The following FSTL5 variants were observed in gnomAD, a reference collection of about 807,000 sequenced individuals.
FSTL5 encodes the protein follistatin like 5, also known as follistatin-related protein 5.
A neutral mutation model predicts 89.1 loss-of-function variants in FSTL5; 62 were observed. That is an observed-to-expected ratio of 0.70 (90% CI 0.57 to 0.86). The LOEUF (loss-of-function observed/expected upper bound fraction) is 0.86, where lower values mean the gene tolerates loss of function less well. FSTL5 is among the 40% of genes least tolerant of loss of function. The pLI, the probability that FSTL5 is intolerant of heterozygous loss-of-function variation, is 0.00. For missense variants in FSTL5, 1,057 were observed against 1,001.6 expected, an observed-to-expected ratio of 1.06 and a Z score of -0.75; for synonymous variants, 383 against 346.2, an observed-to-expected ratio of 1.11 and a Z score of -1.18.
At chr4:161,833,577 C>A (rs925547831) in intron 4 of FSTL5, among the ~76,000 whole-genome samples, 4 of 150,652 alleles carry the variant, frequency 2.7e-5, no homozygotes, top group Non-Finnish European at 4.4e-5. Flanking sequence ...GTATTGGGTG[C>A]ATATATATTT....
intron 6 of FSTL5, among the ~76,000 whole-genome samples, chr4:161,687,854 T>G (rs986700699): frequency 6.6e-6 from 1 of 152,182 alleles, no homozygotes; most frequent in Non-Finnish European, 1.5e-5. Context: ...AATGCAACAG[T>G]GCTGGAAGGT....
chr4:161,845,701 A>G (rs1731344687), intron 4 of FSTL5, among the ~76,000 whole-genome samples: 1 of 152,144 alleles, frequency 6.6e-6, no homozygotes, highest in African/African-American at 2.4e-5. Flanking sequence ...TAATTGCTTC[A>G]CAAATTTGTC....
At chr4:161,546,972 T>C (rs1732028674) in intron 8 of FSTL5, among the ~76,000 whole-genome samples, 1 of 151,996 alleles carries the variant, frequency 6.6e-6, no homozygotes, top group Non-Finnish European at 1.5e-5. Context: ...GGCAAAGTAA[T>C]GGTGCATAAT....
At chr4:161,800,410 A>C (rs773897959) in intron 4 of FSTL5, among the ~76,000 whole-genome samples, 1 of 151,696 alleles carries the variant, frequency 6.6e-6, no homozygotes, top group Non-Finnish European at 1.5e-5. Context: ...TGGCCTGGCC[A>C]ATTTTCACCT....
chr4:161,458,775 A>G (rs983145201), intron 14 of FSTL5, among the ~76,000 whole-genome samples: 6 of 152,210 alleles, frequency 3.9e-5, no homozygotes, highest in East Asian at 1.9e-4. Context: ...GGCAAAATCC[A>G]TAAGAATAAC....
At chr4:161,820,265 A>G (rs904573493) in intron 4 of FSTL5, among the ~76,000 whole-genome samples, 2 of 152,190 alleles carry the variant, frequency 1.3e-5, no homozygotes, top group East Asian at 3.9e-4. Flanking sequence ...TTCCACTTAT[A>G]TTCAAGTTAA....
intron 4 of FSTL5, among the ~76,000 whole-genome samples, chr4:161,834,419 C>G (rs1178943268): frequency 6.6e-6 from 1 of 152,126 alleles, no homozygotes; most frequent in Non-Finnish European, 1.5e-5. Context: ...TCTCACCACT[C>G]CTATTCAACA....
chr4:161,706,399 C>T (rs1461291142), intron 6 of FSTL5, among the ~76,000 whole-genome samples: 1 of 151,836 alleles, frequency 6.6e-6, no homozygotes, highest in Non-Finnish European at 1.5e-5. Context: ...AATTTATCCT[C>T]AATATTTTAA....
chr4:162,068,283 G>A lies in FSTL5; in HGVS notation c.127-34625C>T, dbSNP rs190186666. ...AAAAGAACAAAGCTGGGGACACTAT[G>A]GCACCTGACTCCAAACTATACTACA... On this transcript the variant is annotated intron_variant, in intron 2 of 15. Coordinates refer to ENST00000306100, the MANE Select transcript of FSTL5 (RefSeq NM_020116.5). Among the ~76,000 whole-genome samples, 15 of 152,050 alleles carry A rather than the reference G, an allele frequency of 9.9e-5. 1 individual carries two copies. The highest frequency in any genetic ancestry group is 8.5e-4 in the Admixed American group (13 of 15,254).
chr4:161,808,292 C>T (rs1406378734), intron 4 of FSTL5, among the ~76,000 whole-genome samples: 2 of 151,782 alleles, frequency 1.3e-5, no homozygotes, highest in East Asian at 1.9e-4. Flanking sequence ...ATAGAATTAC[C>T]ATAAGATCCA....
intron 7 of FSTL5, among the ~76,000 whole-genome samples, chr4:161,606,225 T>C (rs980327495): frequency 1.3e-5 from 2 of 148,482 alleles, no homozygotes; most frequent in Non-Finnish European, 3.0e-5. Context: ...TTTCCAGAGA[T>C]AATGATTATC....
intron 4 of FSTL5, among the ~76,000 whole-genome samples, chr4:161,879,453 G>C (rs1732556857): frequency 6.6e-6 from 1 of 152,086 alleles, no homozygotes; most frequent in Non-Finnish European, 1.5e-5. Context: ...ACTTTCCCAG[G>C]CAAAGCATTC....
intron 3 of FSTL5, among the ~76,000 whole-genome samples, chr4:162,029,059 G>T (rs751199141): frequency 2.0e-5 from 3 of 151,828 alleles, no homozygotes; most frequent in Non-Finnish European, 4.4e-5. Flanking sequence ...GTGCTCTGAG[G>T]TGCCAATATA....
chr4:161,847,317 T>A (rs571833041), intron 4 of FSTL5, among the ~76,000 whole-genome samples: 4 of 152,344 alleles, frequency 2.6e-5, no homozygotes, highest in African/African-American at 9.6e-5. Flanking sequence ...GTTTTCAATA[T>A]AAAAGCATTA....
intron 6 of FSTL5, among the ~76,000 whole-genome samples, chr4:161,667,135 A>G (rs1252403067): frequency 6.6e-6 from 1 of 152,048 alleles, no homozygotes; most frequent in African/African-American, 2.4e-5. Flanking sequence ...CATGACTTTG[A>G]CATTCTTTTA....
chr4:162,002,572 G>A (rs906166772), intron 3 of FSTL5, among the ~76,000 whole-genome samples: 7 of 152,100 alleles, frequency 4.6e-5, no homozygotes, highest in Admixed American at 1.3e-4. Flanking sequence ...TTTGCTTCAG[G>A]CTATGTTTCA....
chr4:161,967,149 A>T (rs1426088057), intron 3 of FSTL5, among the ~76,000 whole-genome samples: 4 of 152,024 alleles, frequency 2.6e-5, no homozygotes, highest in Non-Finnish European at 5.9e-5. Context: ...TTTGATAAAA[A>T]TTTTAATTTT....
At chr4:161,717,805 C>T (rs1038152795) in intron 6 of FSTL5, among the ~76,000 whole-genome samples, 1 of 151,980 alleles carries the variant, frequency 6.6e-6, no homozygotes, top group South Asian at 2.1e-4. Context: ...AAGAAAAATT[C>T]AGTTTTTGTA....
At chr4:162,004,515 C>G (rs1335175985) in intron 3 of FSTL5, among the ~76,000 whole-genome samples, 1 of 152,082 alleles carries the variant, frequency 6.6e-6, no homozygotes, top group Non-Finnish European at 1.5e-5. Context: ...TAAGTTCATT[C>G]CTCAGGGTTT....
Sources: gnomAD v4.1 joint callset for allele counts (sites outside exome capture counted in the v4.1 genomes callset) on GRCh38, gnomAD v4.1.1 for gene constraint, MANE v1.5 for transcripts, NCBI Gene and HGNC (gene_info 2026-07-23, HGNC 2026-07-21) for gene names.